The following SEL1L2 variants were observed in gnomAD, a reference collection of about 807,000 sequenced individuals.
The protein encoded by SEL1L2 is protein sel-1 homolog 2.
Under a neutral mutation model 98.8 loss-of-function variants are expected in SEL1L2, and 89 were observed. The observed-to-expected ratio is 0.90, with a 90% CI of 0.76 to 1.07. The LOEUF (loss-of-function observed/expected upper bound fraction) is 1.07, where lower values mean the gene tolerates loss of function less well. Ranked by LOEUF, SEL1L2 falls within the 50% of genes least tolerant of loss-of-function variation. SEL1L2 has a pLI of 0.00. For synonymous variants in SEL1L2, 262 were observed against 278.5 expected (o/e 0.94, Z 0.59); for missense variants, 788 against 812.0 (o/e 0.97, Z 0.36).
At chr20:13,977,941 G>T (rs2051624879) in intron 1 of SEL1L2, among the ~76,000 whole-genome samples, 1 of 151,912 alleles carries the variant, frequency 6.6e-6, no homozygotes, top group East Asian at 1.9e-4. Context: ...GCAATCTACA[G>T]ATTCAATACA....
chr20:13,938,653 T>C (rs1057349362), intron 2 of SEL1L2, among the ~76,000 whole-genome samples: 2 of 152,178 alleles, frequency 1.3e-5, no homozygotes, highest in Non-Finnish European at 2.9e-5. Flanking sequence ...GTATTTTCTG[T>C]TTACCATTTA....
At chr20:13,986,982 G>A (rs1200452257) in intron 1 of SEL1L2, among the ~76,000 whole-genome samples, 2 of 152,048 alleles carry the variant, frequency 1.3e-5, no homozygotes, top group African/African-American at 2.4e-5. Flanking sequence ...ACAGGTGCCC[G>A]CCACAAGTCC....
In SEL1L2 at chr20:13,990,489, C is replaced by T; in HGVS notation, c.46G>A (p.Val16Ile). Reference sequence around the variant, plus strand: ...CAAAAAAACTTACTTTTAATTGTGACCCCAAGAATTATCAATATCTCTATT... The same window carrying T: ...CAAAAAAACTTACTTTTAATTGTGATCCCAAGAATTATCAATATCTCTATT... ...LLIEILIILG[V>I]TIKTIKAEEH... is the part of the protein sequence containing the mutation. Residue 16 changes from valine (V) to isoleucine (I), a missense_variant, in exon 1 of 20, where the codon GTC becomes ATC. Physicochemically the swap from Val to Ile is conservative, Grantham distance 29 (BLOSUM62 3). Coordinates refer to ENST00000284951, the MANE Select transcript of SEL1L2 (RefSeq NM_025229.2). 6.2e-7 allele frequency: 1 copy of T among 1,611,740 alleles called. No individual in the cohort carries two copies. Among genetic ancestry groups the T allele is most frequent in the Non-Finnish European group, 8.5e-7 (1 of 1,178,100 alleles).
At chr20:13,850,652 A>G (rs1988099473) in intron 18 of SEL1L2, among the ~76,000 whole-genome samples, 1 of 152,172 alleles carries the variant, frequency 6.6e-6, no homozygotes, top group African/African-American at 2.4e-5. Context: ...TACAACCTCA[A>G]TTAACTGAAT....
chr20:13,910,891 T>G (rs948657580), intron 5 of SEL1L2, among the ~76,000 whole-genome samples: 1 of 152,218 alleles, frequency 6.6e-6, no homozygotes, highest in African/African-American at 2.4e-5. Flanking sequence ...TTAGATGCAA[T>G]AACCACGTTA....
In SEL1L2 at chr20:13,856,096, C is replaced by T. The variant is rs565580657; in HGVS notation, c.1818+3166G>A. ...CAGGCTTTGTTCATGGTGCAATTTC[C>T]GAAGTACTTACAAATCAAGTATCAA... On this transcript the variant is annotated intron_variant, in intron 18 of 19. Coordinates refer to ENST00000284951, the MANE Select transcript of SEL1L2 (RefSeq NM_025229.2). Among the ~76,000 whole-genome samples the T allele has an allele frequency of 3.9e-5, 6 of 152,014 alleles. No homozygotes were observed. The Middle Eastern group carries it at 0.01, about 262-fold the overall frequency.
chr20:13,904,632 G>C (rs1021977156), intron 5 of SEL1L2, among the ~76,000 whole-genome samples: 38 of 152,040 alleles, frequency 2.5e-4, no homozygotes, highest in Non-Finnish European at 2.2e-4. Context: ...GACCATAAAG[G>C]CTGTTACTGC....
At chr20:13,875,360 C>T (rs545393672) in intron 12 of SEL1L2, among the ~76,000 whole-genome samples, 1 of 152,220 alleles carries the variant, frequency 6.6e-6, no homozygotes, top group East Asian at 1.9e-4. Context: ...CTGTTTCAGC[C>T]TCCCAAAGTG....
At chr20:13,942,991 A>G (rs566667466) in intron 2 of SEL1L2, among the ~76,000 whole-genome samples, 18 of 152,260 alleles carry the variant, frequency 1.2e-4, no homozygotes, top group South Asian at 6.2e-4. Flanking sequence ...CACATCTAAG[A>G]TTTTTTAAAA....
intron 1 of SEL1L2, among the ~76,000 whole-genome samples, chr20:13,976,251 C>T (rs758434805): frequency 3.9e-5 from 6 of 152,218 alleles, no homozygotes; most frequent in East Asian, 1.9e-4. Context: ...CCACCGGCCT[C>T]GGCCTCCCAA....
chr20:13,850,332 G>A lies in SEL1L2; in HGVS notation c.1819-13C>T. 1 of 1,613,782 alleles carries A rather than the reference G, an allele frequency of 6.2e-7. No homozygotes were observed. ...CCAAGTGAATGTCCTAGAAGGAGAA[G>A]AATAGCCCTACCCATCAGATTCTGT... On this transcript the variant is annotated splice_polypyrimidine_tract_variant and intron_variant, in intron 18 of 19. Coordinates refer to ENST00000284951, the MANE Select transcript of SEL1L2 (RefSeq NM_025229.2).
At chr20:13,971,460 C>G (rs1053823964) in intron 1 of SEL1L2, among the ~76,000 whole-genome samples, 35 of 152,140 alleles carry the variant, frequency 2.3e-4, no homozygotes, top group Admixed American at 3.9e-4. Flanking sequence ...GGGTCTCACT[C>G]TGTCATCCAG....
At chr20:13,976,844 T>G (rs1439112957) in intron 1 of SEL1L2, among the ~76,000 whole-genome samples, 2 of 152,150 alleles carry the variant, frequency 1.3e-5, no homozygotes, top group Admixed American at 6.6e-5. Flanking sequence ...CAAGATTTGG[T>G]AAAAGAATAA....
intron 5 of SEL1L2, among the ~76,000 whole-genome samples, chr20:13,910,338 C>A (rs1306043538): frequency 6.6e-6 from 1 of 152,120 alleles, no homozygotes; most frequent in Non-Finnish European, 1.5e-5. Context: ...CTTATGGCAA[C>A]CTTGTGAAGT....
At chr20:13,927,069 A>G (rs770298868) in intron 3 of SEL1L2, among the ~76,000 whole-genome samples, 7 of 152,246 alleles carry the variant, frequency 4.6e-5, no homozygotes, top group Non-Finnish European at 8.8e-5. Context: ...ATATGGAAGA[A>G]TTAGTTGTTG....
chr20:13,875,703 C>T (rs1469232885), intron 12 of SEL1L2, among the ~76,000 whole-genome samples: 2 of 152,162 alleles, frequency 1.3e-5, no homozygotes, highest in Non-Finnish European at 2.9e-5. Flanking sequence ...CTTCCTCTGT[C>T]CTCATCTCTT....
At chr20:13,876,210 A>T (rs1322556590) in intron 11 of SEL1L2, 95 bp from the exon 12 acceptor site, 2 of 872,534 alleles carry the variant, frequency 2.3e-6, no homozygotes, top group East Asian at 5.0e-5. Context: ...GTGGTACAAC[A>T]TATTGAATGT....
chr20:13,870,663 C>T (rs2046144467), intron 12 of SEL1L2, among the ~76,000 whole-genome samples: 1 of 152,156 alleles, frequency 6.6e-6, no homozygotes, highest in South Asian at 2.1e-4. Flanking sequence ...TGGCCCATGC[C>T]TGTAATCCCA....
At chr20:13,858,511 C>T (rs936429517) in intron 18 of SEL1L2, among the ~76,000 whole-genome samples, 3 of 152,186 alleles carry the variant, frequency 2.0e-5, no homozygotes, top group Non-Finnish European at 4.4e-5. Flanking sequence ...AGTTCTAGGG[C>T]TTATCTCGTT....
Sources: allele counts gnomAD v4.1 joint callset (sites outside exome capture counted in the v4.1 genomes callset), GRCh38; gene constraint gnomAD v4.1.1; transcripts MANE v1.5; gene names NCBI Gene and HGNC (gene_info 2026-07-23, HGNC 2026-07-21).